Variants in TRMU observed in about 807,000 individuals in gnomAD.
The protein encoded by TRMU is tRNA mitochondrial 2-thiouridylase, also known as mitochondrial tRNA-specific 2-thiouridylase 1.
A neutral mutation model predicts 46.9 loss-of-function variants in TRMU; 49 were observed. The ratio of observed to expected loss-of-function variants is 1.05; its 90% CI spans 0.83 to 1.33. The LOEUF (loss-of-function observed/expected upper bound fraction) is 1.33, where lower values mean the gene tolerates loss of function less well. Among genes scored for constraint, TRMU ranks in the 40% most tolerant of loss-of-function variants. The pLI is 0.00. For missense variants in TRMU, 572 were observed against 532.4 expected (o/e 1.07, Z -0.73); for synonymous variants, 241 against 200.9 (o/e 1.20, Z -1.69).
chr22:46,347,269 G>C lies in TRMU; in HGVS notation c.478+725G>C, dbSNP rs12166495. On this transcript the variant is annotated intron_variant, in intron 4 of 10. Transcript: ENST00000645190. This position sits in a 1 kb window ranked among gnomAD's most constrained non-coding sequence, Gnocchi z 5.0. ...TCCGGAAGTTCAGATGTTGGAGGGA[G>C]CCTTGTCCCGCCATCTGGGGAATAG... The C allele has an allele frequency of 0.017, 2,561 of 152,448 alleles. 62 individuals carry two copies. The highest frequency in any genetic ancestry group is 0.056 in the African/African-American group (2,338 of 41,534). 9.4% of individuals were successfully genotyped at this position (152,448 alleles called of 1,614,324 possible).
At chr22:46,354,545 G>GCACC (rs1411487729) in intron 8 of TRMU, 1 of 152,964 alleles carries the variant, frequency 6.5e-6, no homozygotes, top group African/African-American at 2.4e-5. Flanking sequence ...CCCACTCTCA[G>GCACC]CACCCTGGCT....
In TRMU at chr22:46,356,859, G is replaced by A; in HGVS notation, c.1119G>A (p.Lys373=). The A allele has an allele frequency of 2.5e-6, 4 of 1,613,368 alleles. No homozygotes were observed. The highest frequency in any genetic ancestry group is 3.4e-6 in the Non-Finnish European group (4 of 1,179,914). Residue 373 remains lysine, a synonymous_variant, in exon 11 of 11, where the codon AAG becomes AAA. Coordinates refer to ENST00000645190, the MANE Select transcript of TRMU (RefSeq NM_018006.5). The part of the protein sequence containing the change: ...LATGQFAVFY[K]GDECLGSGKI... ...CCCTACAGTTTGCTGTGTTCTACAA[G>A]GGGGACGAGTGCCTGGGCAGCGGGA... is the stretch of plus-strand genomic sequence containing the variant.
In TRMU at chr22:46,356,904, G is replaced by A. The variant is rs202047181; in HGVS notation, c.1164G>A (p.Pro388=). ...LGSGKILRLG[P]SAYTLQKGQR... is the part of the protein sequence containing the mutation. The stretch of plus-strand genomic sequence containing the variant: ...GCGGGAAGATCCTGCGGCTGGGGCC[G>A]TCTGCCTACACGCTCCAGAAGGGCC... Residue 388 remains proline, a synonymous_variant, in exon 11 of 11, where the codon CCG becomes CCA. Transcript: ENST00000645190. 71 of 1,613,238 alleles carry A rather than the reference G, an allele frequency of 4.4e-5. No homozygotes were observed. The East Asian group carries it at 1.2e-3, about 27-fold the overall frequency.
Position 46,350,739 on chromosome 22 carries a change from GT to G in TRMU, c.651+277del, listed in dbSNP as rs1289827938. On this transcript the variant is annotated intron_variant, in intron 5 of 10. Coordinates refer to ENST00000645190, the MANE Select transcript of TRMU (RefSeq NM_018006.5). This position sits in a 1 kb window ranked among gnomAD's most constrained non-coding sequence, Gnocchi z 4.6. ...CCCCACAGCCTTAGCAGCTGGTGGGGTGCTCTTGGGATGGCCTGCCTGCCAG... is the reference window on the plus strand; with the variant it reads ...CCCCACAGCCTTAGCAGCTGGTGGGGGCTCTTGGGATGGCCTGCCTGCCAG... 2.0e-5 allele frequency among the ~76,000 whole-genome samples: 3 copies of G among 152,200 alleles called. No homozygotes were observed. Among genetic ancestry groups the G allele is most frequent in the African/African-American group, 7.2e-5 (3 of 41,460 alleles).
intron 2 of TRMU, 44 bp from the exon 3 acceptor site, chr22:46,343,218 G>T: frequency 1.5e-6 from 2 of 1,310,272 alleles, no homozygotes; most frequent in Non-Finnish European, 2.2e-6. Context: ...TTTTTTTGAG[G>T]AATGTTTCAC....
chr22:46,355,313 T>C (rs2078564102), intron 8 of TRMU, 131 bp from the exon 9 acceptor site: 5 of 1,392,716 alleles, frequency 3.6e-6, no homozygotes, highest in Non-Finnish European at 3.9e-6. Context: ...GGTAGAACAC[T>C]TCGAGCGGTG....
At position 46,350,202 on chromosome 22, in the gene TRMU, G is replaced by A; in HGVS notation, c.479-89G>A. The A allele has an allele frequency of 6.6e-7, 1 of 1,518,410 alleles. No homozygotes were observed. Among genetic ancestry groups the A allele is most frequent in the South Asian group, 1.1e-5 (1 of 88,336 alleles). The allele number at this position is 1,518,410 out of a possible 1,614,324, so 94.1% of individuals were successfully genotyped here. A position where few individuals can be genotyped will look rare whatever the true frequency, so the allele number is the denominator to read the frequency against. Reference sequence around the variant, plus strand: ...GTCTGCCTCTGACAGGCTAGGGGTAGTCTGTCTAAGTGAACAGAAGGACAT... The same window carrying A: ...GTCTGCCTCTGACAGGCTAGGGGTAATCTGTCTAAGTGAACAGAAGGACAT... On this transcript the variant is annotated intron_variant, in intron 4 of 10. Coordinates refer to ENST00000645190, the MANE Select transcript of TRMU (RefSeq NM_018006.5). This position sits in a 1 kb window ranked among gnomAD's most constrained non-coding sequence, Gnocchi z 4.6.
intron 7 of TRMU, chr22:46,353,468 C>T (rs566224524): frequency 8.7e-5 from 33 of 378,770 alleles, no homozygotes; most frequent in East Asian, 2.4e-4. Flanking sequence ...GGCACCCAGC[C>T]GCATCCTGGG....
At chr22:46,356,817 T>C in intron 10 of TRMU, 25 bp from the exon 11 acceptor site, 1 of 1,611,802 alleles carries the variant, frequency 6.2e-7, no homozygotes, top group Non-Finnish European at 8.5e-7. Context: ...GTGGCACCCC[T>C]GATGCCAGGG....
At chr22:46,353,073 A>C (rs2078484455) in intron 7 of TRMU, 2 of 161,708 alleles carry the variant, frequency 1.2e-5, no homozygotes, top group African/African-American at 4.8e-5. Flanking sequence ...GGGAGACGGC[A>C]GGCGGAGCCG....
chr22:46,356,185 C>A, intron 10 of TRMU, 113 bp downstream of exon 10: 2 of 1,197,354 alleles, frequency 1.7e-6, no homozygotes, highest in Non-Finnish European at 2.4e-6. Flanking sequence ...GTGCTCGGGT[C>A]ACACAGCTGG....
At chr22:46,355,076 G>A in intron 8 of TRMU, 1 of 352,300 alleles carries the variant, frequency 2.8e-6, no homozygotes, top group Non-Finnish European at 5.4e-6. Context: ...CCCTGTCCCT[G>A]CGAATAGAAA....
chr22:46,337,363 A>G (rs535255789), intron 1 of TRMU, among the ~76,000 whole-genome samples: 1 of 152,248 alleles, frequency 6.6e-6, no homozygotes, highest in Non-Finnish European at 1.5e-5. Context: ...GAAAATTTTA[A>G]TTATCTTTAT....
rs769326185 is a variant in TRMU at position 46,355,979 on chromosome 22, C to T, written c.1019-11C>T. ...CTGTGCCCCCTCCAAGGGCCCCTCT[C>T]TTCTACCCAGTGCCCTGTGTGCTGA... On this transcript the variant is annotated splice_polypyrimidine_tract_variant and intron_variant, in intron 9 of 10. Transcript: ENST00000645190. 3 of 1,613,830 alleles carry T rather than the reference C, an allele frequency of 1.9e-6. No homozygotes were observed. The highest frequency in any genetic ancestry group is 1.7e-5 in the Admixed American group (1 of 60,008).
Position 46,355,485 on chromosome 22 carries a change from G to C in TRMU, c.915G>C (p.Leu305=), listed in dbSNP as rs1418397219. The change falls in exon 9 of 11, where the codon CTG becomes CTC. Residue 305 remains leucine (L), a synonymous_variant. Coordinates refer to ENST00000645190, the MANE Select transcript of TRMU (RefSeq NM_018006.5). The part of the protein sequence containing the change: ...TDHPALYRDL[L]RTSRVHWIAE... The stretch of plus-strand genomic sequence containing the variant: ...ACCCAGCCCTGTACAGGGACCTGCT[G>C]AGGACCAGCCGCGTGCACTGGATTG... 6.2e-7 allele frequency: 1 copy of C among 1,613,140 alleles called. No homozygotes were observed. Among genetic ancestry groups the C allele is most frequent in the Non-Finnish European group, 8.5e-7 (1 of 1,180,034 alleles).
intron 8 of TRMU, chr22:46,354,337 T>C (rs112136605): frequency 0.11 from 20,774 of 184,114 alleles, 3,304 homozygotes; most frequent in African/African-American, 0.38. Context: ...GGCCGCTCAG[T>C]GGCGGCAAGC....
In TRMU at chr22:46,335,806, C is replaced by G. The variant is rs755309787; in HGVS notation, c.42C>G (p.Gly14=). The G allele has an allele frequency of 9.0e-6, 14 of 1,560,872 alleles. No homozygotes were observed. The highest frequency in any genetic ancestry group is 7.5e-5 in the Admixed American group (4 of 53,536). ...LRHVVCALSG[G]VDSAVAALLL... ...ACGTCGTGTGCGCCCTGTCCGGCGG[C>G]GTGGACAGCGCCGTGGCCGCGCTGC... Residue 14 remains glycine, a synonymous_variant, in exon 1 of 11, where the codon GGC becomes GGG. Coordinates refer to ENST00000645190, the MANE Select transcript of TRMU (RefSeq NM_018006.5).
Position 46,343,311 on chromosome 22 carries a change from G to A in TRMU, c.298G>A (p.Val100Ile). The stretch of plus-strand genomic sequence containing the variant: ...AGGAAGGACTCCCAATCCTGACATA[G>A]TTTGCAACAAGCACATCAAATTTAG... ...EKGRTPNPDI[V>I]CNKHIKFSCF... Residue 100 changes from valine to isoleucine, a missense_variant, in exon 3 of 11, where the codon GTT (valine) becomes ATT (isoleucine). Transcript: ENST00000645190. The A allele has an allele frequency of 1.2e-6, 2 of 1,613,774 alleles. No homozygotes were observed. The highest frequency in any genetic ancestry group is 2.2e-5 in the East Asian group (1 of 44,870).
chr22:46,352,227 C>G lies in TRMU; in HGVS notation c.706-37C>G, dbSNP rs550287016. On this transcript the variant is annotated intron_variant, in intron 6 of 10. Transcript: ENST00000645190. ...ATGGGGCTGCGTGTCTGCCCTGGGC[C>G]TAGATCTCCGTCGGTAATGACATGT... The G allele has an allele frequency of 5.0e-6, 8 of 1,614,212 alleles. No homozygotes were observed. In the South Asian group the frequency reaches 7.7e-5, roughly 16 times the overall value.
Sources: gnomAD v4.1 joint callset for allele counts (sites outside exome capture counted in the v4.1 genomes callset) on GRCh38, gnomAD v4.1.1 for gene constraint, Gnocchi (gnomAD v3.1) non-coding constraint, MANE v1.5 for transcripts, NCBI Gene and HGNC (gene_info 2026-07-23, HGNC 2026-07-21) for gene names.